The following MYO3A variants were observed in gnomAD, a reference collection of about 807,000 sequenced individuals.
MYO3A encodes the protein myosin IIIA.
In MYO3A, 180 loss-of-function variants were observed where a neutral mutation model predicts 192.7. The observed-to-expected ratio is 0.93, with a 90% confidence interval of 0.83 to 1.06. The LOEUF (loss-of-function observed/expected upper bound fraction) is 1.06, where lower values mean the gene tolerates loss of function less well. Among genes scored for constraint, MYO3A ranks in the 50% least tolerant of loss-of-function variants. The probability of loss-of-function intolerance (pLI) is 0.00; values close to 1 mark genes in which losing one functional copy is unlikely to be tolerated. For missense variants in MYO3A, 1,896 were observed against 1,905.0 expected (o/e 1.00, Z 0.09); for synonymous variants, 628 against 645.3 (o/e 0.97, Z 0.41).
Position 25,997,183 on chromosome 10 carries a change from A to G in MYO3A, c.433A>G (p.Lys145Glu), listed in dbSNP as rs1312275465. The G allele has an allele frequency of 6.2e-7, 1 of 1,613,462 alleles. No individual in the cohort carries two copies. The highest frequency in any genetic ancestry group is 8.5e-7 in the Non-Finnish European group (1 of 1,179,522). Residue 145 changes from lysine (K) to glutamate (E), a missense_variant, in exon 6 of 35, where the codon AAA (lysine) becomes GAA (glutamate). Transcript: ENST00000642920. ...GGGACTTCAACATTTGCATAACAACAAAACTATCCACAGAGATGTGAAAGG... is the reference window on the plus strand; with the variant it reads ...GGGACTTCAACATTTGCATAACAACGAAACTATCCACAGAGATGTGAAAGG... ...LMGLQHLHNN[K>E]TIHRDVKGNN...
chr10:25,999,621 A>T (rs11014891), intron 6 of MYO3A, among the ~76,000 whole-genome samples: 14,545 of 152,212 alleles, frequency 0.096, 1,235 homozygotes, highest in African/African-American at 0.22. Flanking sequence ...GTAAAGGGTT[A>T]TAGAATCAAT....
At chr10:25,946,571 C>T (rs1282007489) in intron 2 of MYO3A, among the ~76,000 whole-genome samples, 10 of 148,872 alleles carry the variant, frequency 6.7e-5, no homozygotes, top group Non-Finnish European at 8.9e-5. Flanking sequence ...AATGTCTTGG[C>T]ATGGGTTTCT....
intron 6 of MYO3A, among the ~76,000 whole-genome samples, chr10:26,015,138 C>G (rs887760566): frequency 1.0e-3 from 155 of 152,302 alleles, no homozygotes; most frequent in African/African-American, 3.6e-3. Context: ...ACCTAAACCT[C>G]TATAATGTTC....
At chr10:26,161,445 C>A (rs1483079329) in intron 26 of MYO3A, among the ~76,000 whole-genome samples, 1 of 152,178 alleles carries the variant, frequency 6.6e-6, no homozygotes, top group Non-Finnish European at 1.5e-5. Flanking sequence ...CCACTAAGCA[C>A]CTGTACATAA....
At chr10:25,954,572 A>G (rs2130577392) in intron 3 of MYO3A, among the ~76,000 whole-genome samples, 1 of 152,236 alleles carries the variant, frequency 6.6e-6, no homozygotes, top group South Asian at 2.1e-4. Flanking sequence ...AAAAAAGCAA[A>G]ATCATCTGGA....
At chr10:26,208,774 C>G (rs374862670) in intron 34 of MYO3A, among the ~76,000 whole-genome samples, 3 of 152,226 alleles carry the variant, frequency 2.0e-5, no homozygotes, top group East Asian at 1.9e-4. Context: ...CTATTCAGAA[C>G]AGACCAGAAT....
At chr10:26,063,506 T>C (rs1834633847) in intron 10 of MYO3A, among the ~76,000 whole-genome samples, 2 of 152,218 alleles carry the variant, frequency 1.3e-5, no homozygotes, top group South Asian at 4.1e-4. Flanking sequence ...TTGAGTCACT[T>C]TTTTTTGCAT....
chr10:26,088,550 A>C (rs1836486564), intron 15 of MYO3A, 145 bp downstream of exon 15: 2 of 782,508 alleles, frequency 2.6e-6, no homozygotes, highest in Non-Finnish European at 4.2e-6. Context: ...GAAGAGATCC[A>C]TCAGCACTGT....
chr10:26,127,900 A>G (rs553967156), intron 19 of MYO3A, among the ~76,000 whole-genome samples: 22 of 152,142 alleles, frequency 1.4e-4, no homozygotes, highest in Admixed American at 1.2e-3. Context: ...TTATAAGCAA[A>G]TGATCCAAAA....
intron 2 of MYO3A, among the ~76,000 whole-genome samples, chr10:25,943,412 C>CA (rs1836629694): frequency 6.6e-6 from 1 of 151,928 alleles, no homozygotes; most frequent in South Asian, 2.1e-4. Context: ...TCTATTTCTG[C>CA]AAAAAACATT....
intron 10 of MYO3A, among the ~76,000 whole-genome samples, chr10:26,039,170 A>C (rs918551327): frequency 6.7e-5 from 10 of 149,714 alleles, no homozygotes; most frequent in African/African-American, 2.5e-4. Context: ...CCTCCTGAAC[A>C]GCTGGGATTA....
chr10:26,061,592 G>A (rs34474695), intron 10 of MYO3A, among the ~76,000 whole-genome samples: 73,781 of 151,808 alleles, frequency 0.49, 18,565 homozygotes, highest in Middle Eastern at 0.6. Context: ...AGGCAAGATT[G>A]TGAAGGCCCA....
At chr10:26,087,597 G>A (rs34832963) in intron 14 of MYO3A, among the ~76,000 whole-genome samples, 73,044 of 152,014 alleles carry the variant, frequency 0.48, 18,266 homozygotes, top group Middle Eastern at 0.59. Context: ...AATTTCAACT[G>A]AAGTGGTAAA....
intron 4 of MYO3A, among the ~76,000 whole-genome samples, chr10:25,968,525 G>C (rs922968086): frequency 2.6e-5 from 4 of 152,136 alleles, no homozygotes; most frequent in African/African-American, 9.7e-5. Flanking sequence ...TTTTATACTT[G>C]TTGTATCTTT....
intron 17 of MYO3A, among the ~76,000 whole-genome samples, chr10:26,106,103 G>GCTATATATAAGCTA (rs1837783564): frequency 6.6e-6 from 1 of 151,958 alleles, no homozygotes; most frequent in Admixed American, 6.5e-5. Context: ...CTTAGCTATT[G>GCTATATATAAGCTA]TTTAGCATTG....
chr10:26,088,041 G>A (rs1478000214), intron 14 of MYO3A, among the ~76,000 whole-genome samples, 162 bp from the exon 15 acceptor site: 3 of 152,186 alleles, frequency 2.0e-5, no homozygotes, highest in Non-Finnish European at 4.4e-5. Flanking sequence ...ATCCACATAT[G>A]GGAGGGGGAA....
At chr10:25,971,980 C>G (rs1006720855) in intron 4 of MYO3A, among the ~76,000 whole-genome samples, 1 of 152,078 alleles carries the variant, frequency 6.6e-6, no homozygotes, top group Non-Finnish European at 1.5e-5. Context: ...GTAGCTGGGA[C>G]TACATGCATT....
At chr10:26,067,159 G>A in intron 11 of MYO3A, 85 bp downstream of exon 11, 1 of 863,166 alleles carries the variant, frequency 1.2e-6, no homozygotes, top group Non-Finnish European at 1.9e-6. Flanking sequence ...GAAGGGGAAG[G>A]AATATATAGA....
chr10:25,976,384 A>C (rs898820304), intron 4 of MYO3A, among the ~76,000 whole-genome samples: 2 of 152,222 alleles, frequency 1.3e-5, no homozygotes, highest in African/African-American at 4.8e-5. Flanking sequence ...ATATAGTCAG[A>C]CTAAGCTAAT....
Sources: gnomAD v4.1 joint callset for allele counts (sites outside exome capture counted in the v4.1 genomes callset) on GRCh38, gnomAD v4.1.1 for gene constraint, MANE v1.5 for transcripts, NCBI Gene and HGNC (gene_info 2026-07-23, HGNC 2026-07-21) for gene names.